The following ISOC2 variants were observed in gnomAD, a reference collection of about 807,000 sequenced individuals.
The protein encoded by ISOC2 is isochorismatase domain-containing protein 2.
Under a neutral mutation model 19.3 loss-of-function variants are expected in ISOC2, and 15 were observed. The observed-to-expected ratio is 0.78, with a 90% CI of 0.52 to 1.20. ISOC2 has a LOEUF of 1.20. ISOC2 is among the 50% of genes most tolerant of loss of function. The pLI is 0.00. For missense variants in ISOC2, 285 were observed against 272.4 expected (o/e 1.05, Z -0.33); for synonymous variants, 106 against 115.8 (o/e 0.92, Z 0.54).
rs767282761 is a variant in ISOC2, at chr19:55,456,364, A to G, written c.123T>C (p.Ala41=). 4 of 1,613,542 alleles carry G rather than the reference A, an allele frequency of 2.5e-6. No homozygotes were observed. In the South Asian group the frequency reaches 3.3e-5, roughly 13 times the overall value. ...GAGGTCATACCTTGAGCATGCGGGC[A>G]GCCACTGAGACGATCTGTGGGAAGT... ...IAYFPQIVSV[A]ARMLKVARLL... Residue 41 remains alanine, a synonymous_variant, in exon 2 of 6, where the codon GCT becomes GCC. Transcript: ENST00000425675.
intron 1 of ISOC2, chr19:55,456,978 T>TATCA (rs1282928572): frequency 1.4e-5 from 2 of 140,164 alleles, no homozygotes; most frequent in African/African-American, 5.8e-5. Context: ...CCCCGGTTAC[T>TATCA]GTCAGCCCTG....
chr19:55,460,949 A>C (rs1029379930), intron 1 of ISOC2, among the ~76,000 whole-genome samples: 4 of 152,112 alleles, frequency 2.6e-5, no homozygotes, highest in Non-Finnish European at 5.9e-5. Context: ...AGCGAGGGGC[A>C]TGATCTGAAG....
intron 1 of ISOC2, among the ~76,000 whole-genome samples, chr19:55,460,874 G>A (rs1036740954): frequency 1.2e-4 from 19 of 152,362 alleles, no homozygotes; most frequent in Admixed American, 1.2e-3. Flanking sequence ...GGACAGGGGA[G>A]AGTCAGGAAG....
chr19:55,461,593 C>T lies in ISOC2; in HGVS notation c.-85G>A, dbSNP rs1986242179. 6.6e-6 allele frequency: 1 copy of T among 152,464 alleles called. No individual in the cohort carries two copies. Among genetic ancestry groups the T allele is most frequent in the Non-Finnish European group, 1.5e-5 (1 of 68,116 alleles). 9.4% of individuals were successfully genotyped at this position (152,464 alleles called of 1,614,324 possible). A position where few individuals can be genotyped will look rare whatever the true frequency, so the allele number is the denominator to read the frequency against. On this transcript the variant is annotated 5_prime_UTR_variant, in exon 1 of 6. Coordinates refer to ENST00000425675, the MANE Select transcript of ISOC2 (RefSeq NM_001136201.2). ...CCCTCACCTCTCGGCTCTCGGACGG[C>T]CACCGCTGAGGCCTCTTGCGGGCTT...
Position 55,454,810 on chromosome 19 carries a change from G to A in ISOC2, c.537+179C>T, listed in dbSNP as rs867634643. On this transcript the variant is annotated intron_variant, in intron 5 of 5. Transcript: ENST00000425675. ...TTTATTGTTCTCTGTGGCCCTTATG[G>A]TCCATCTGTGGGCTCCTTTCATGGA... 3 of 629,030 alleles carry A rather than the reference G, an allele frequency of 4.8e-6. No individual in the cohort carries two copies. The Middle Eastern group carries it at 9.9e-4, about 209-fold the overall frequency. The allele number at this position is 629,030 out of a possible 1,614,324, so 39.0% of individuals were successfully genotyped here. A position where few individuals can be genotyped will look rare whatever the true frequency, so the allele number is the denominator to read the frequency against.
At chr19:55,455,225 C>T (rs1986007890) in intron 4 of ISOC2, 35 bp downstream of exon 4, 2 of 1,583,110 alleles carry the variant, frequency 1.3e-6, no homozygotes, top group South Asian at 1.1e-5. Flanking sequence ...CCTGATGGCC[C>T]CCACGTGCAC....
chr19:55,459,266 A>G (rs1986162942), intron 1 of ISOC2, among the ~76,000 whole-genome samples: 1 of 152,170 alleles, frequency 6.6e-6, no homozygotes, highest in Admixed American at 6.5e-5. Flanking sequence ...TCCATCTACC[A>G]TAGCAAATGT....
intron 1 of ISOC2, chr19:55,457,340 C>T (rs1198966489): frequency 5.3e-5 from 8 of 152,238 alleles, no homozygotes; most frequent in African/African-American, 1.7e-4. Context: ...AGTTCAAGAC[C>T]AGCCTGGCTA....
intron 1 of ISOC2, among the ~76,000 whole-genome samples, chr19:55,458,530 TTC>T (rs1368062833): frequency 1.3e-5 from 2 of 151,078 alleles, no homozygotes; most frequent in African/African-American, 4.9e-5. Context: ...CTATTTTCTT[TTC>T]TTTTTTTTTT....
In ISOC2 at chr19:55,455,824, G is replaced by C. The variant is rs1986036181; in HGVS notation, c.160C>G (p.Pro54Ala). Residue 54 changes from proline (P) to alanine (A), a missense_variant, in exon 3 of 6, where the codon CCA (proline) becomes GCA (alanine). Pro to Ala is a conservative substitution (Grantham distance 27). Transcript: ENST00000425675. ...GGGTACTGCTCCGTCAGCATGACTG[G>C]CACCTCAAGCAGCCGGGCCACCTGT... ...MLKVARLLEV[P>A]VMLTEQYPQG... is the part of the protein sequence containing the mutation. 1 of 1,545,234 alleles carries C rather than the reference G, an allele frequency of 6.5e-7. No individual in the cohort carries two copies. The highest frequency in any genetic ancestry group is 2.0e-5 in the Admixed American group (1 of 51,052).
chr19:55,457,919 T>C (rs1224686203), intron 1 of ISOC2, among the ~76,000 whole-genome samples: 1 of 148,720 alleles, frequency 6.7e-6, no homozygotes, highest in African/African-American at 2.5e-5. Flanking sequence ...CTGGGGGGTG[T>C]AGTTTTCAGT....
intron 1 of ISOC2, among the ~76,000 whole-genome samples, chr19:55,457,487 A>T (rs969691085): frequency 6.7e-6 from 1 of 150,204 alleles, no homozygotes; most frequent in Non-Finnish European, 1.5e-5. Context: ...GTGAGCCGAG[A>T]TCACACCACT....
intron 1 of ISOC2, among the ~76,000 whole-genome samples, chr19:55,459,196 C>T (rs1305755572): frequency 6.6e-6 from 1 of 151,812 alleles, no homozygotes; most frequent in Non-Finnish European, 1.5e-5. Context: ...CTCAGCCTTG[C>T]AACATGCTGG....
At position 55,455,340 on chromosome 19, in the gene ISOC2, G is replaced by A; in HGVS notation, c.349-10C>T. 1.2e-6 allele frequency: 2 copies of A among 1,614,148 alleles called. No individual in the cohort carries two copies. Among genetic ancestry groups the A allele is most frequent in the Admixed American group, 1.7e-5 (1 of 60,024 alleles). On this transcript the variant is annotated splice_polypyrimidine_tract_variant and intron_variant, in intron 3 of 5. Coordinates refer to ENST00000425675, the MANE Select transcript of ISOC2 (RefSeq NM_001136201.2). ...GGTCCAGGGTCGTGTTCTGTGGGTA[G>A]AGAGAGGTCAGGGCCAACCCCGGAT... is the stretch of plus-strand genomic sequence containing the variant.
rs1294461136 is a variant in ISOC2, at chr19:55,455,644, A to G, written c.340T>C (p.Cys114Arg). 1.4e-5 allele frequency: 23 copies of G among 1,592,572 alleles called. No individual in the cohort carries two copies. The highest frequency in any genetic ancestry group is 1.9e-5 in the Non-Finnish European group (22 of 1,166,066). ...VLLCGIEAQA[C>R]ILNTTLDLLD... ...GTCAGTCAGCATCTCACCAAGATGC[A>G]GGCCTGTGCCTCAATGCCACAGAGC... is the stretch of plus-strand genomic sequence containing the variant. Residue 114 changes from cysteine to arginine, a missense_variant, in exon 3 of 6, where the codon TGC becomes CGC. Cys to Arg is a radical substitution (Grantham distance 180, BLOSUM62 -3). Coordinates refer to ENST00000425675, the MANE Select transcript of ISOC2 (RefSeq NM_001136201.2).
At position 55,454,487 on chromosome 19, in the gene ISOC2, G is replaced by T. The variant is rs138128835; in HGVS notation, c.537+502C>A. On this transcript the variant is annotated intron_variant, in intron 5 of 5. Transcript: ENST00000425675. ...CCTGAGGGCCAATGGCTTGAAGCAG[G>T]GGGGCCCAGTACCTGGCTGACCCCG... 1.8e-3 allele frequency: 284 copies of T among 159,692 alleles called. 2 individuals carry two copies. Among genetic ancestry groups the T allele is most frequent in the Middle Eastern group, 6.5e-3 (2 of 306 alleles). The allele number at this position is 159,692 out of a possible 1,614,324, so 9.9% of individuals were successfully genotyped here.
chr19:55,454,791 G>A (rs1985989147), intron 5 of ISOC2, 198 bp downstream of exon 5: 2 of 574,990 alleles, frequency 3.5e-6, no homozygotes, highest in East Asian at 5.7e-5. Context: ...CCATTTTATT[G>A]TTCTCTGTGG....
rs1985914673 is a variant in ISOC2 at position 55,453,100 on chromosome 19, C to T, written c.*208G>A. ...GGGCCGAGCCCCGCCTCCATCTTGGCTCAGCCAATTCCCACCCAGTTTCCA... is the reference window on the plus strand; with the variant it reads ...GGGCCGAGCCCCGCCTCCATCTTGGTTCAGCCAATTCCCACCCAGTTTCCA... On this transcript the variant is annotated 3_prime_UTR_variant, in exon 6 of 6. Coordinates refer to ENST00000425675, the MANE Select transcript of ISOC2 (RefSeq NM_001136201.2). The T allele has an allele frequency of 3.9e-6, 2 of 513,258 alleles. No individual in the cohort carries two copies. The highest frequency in any genetic ancestry group is 6.9e-6 in the Non-Finnish European group (2 of 289,994). The allele number at this position is 513,258 out of a possible 1,614,324, so 31.8% of individuals were successfully genotyped here. A position where few individuals can be genotyped will look rare whatever the true frequency, so the allele number is the denominator to read the frequency against.
chr19:55,458,824 G>A (rs1429741409), intron 1 of ISOC2, among the ~76,000 whole-genome samples: 1 of 151,974 alleles, frequency 6.6e-6, no homozygotes, highest in Non-Finnish European at 1.5e-5. Flanking sequence ...ACCGCACCTG[G>A]CCTTGAGCTG....
Sources: allele counts gnomAD v4.1 joint callset (sites outside exome capture counted in the v4.1 genomes callset), GRCh38; gene constraint gnomAD v4.1.1; transcripts MANE v1.5; gene names NCBI Gene and HGNC (gene_info 2026-07-23, HGNC 2026-07-21).